The following HMGA2 variants were observed in gnomAD, a reference collection of about 807,000 sequenced individuals.
HMGA2 encodes the protein high mobility group protein HMGI-C.
Under a neutral mutation model 19.1 loss-of-function variants are expected in HMGA2, and 8 were observed. That is an observed-to-expected ratio of 0.42 (90% CI 0.25 to 0.76). The LOEUF (loss-of-function observed/expected upper bound fraction) is 0.76, where lower values mean the gene tolerates loss of function less well. Among genes scored for constraint, HMGA2 ranks in the 30% least tolerant of loss-of-function variants. The pLI, the probability that HMGA2 is intolerant of heterozygous loss-of-function variation, is 0.28. For synonymous variants in HMGA2, 60 were observed against 48.8 expected (o/e 1.23, Z -0.96); for missense variants, 109 against 136.3 (o/e 0.80, Z 1.00).
chr12:65,910,200 A>G (rs1250147112), intron 3 of HMGA2, among the ~76,000 whole-genome samples: 2 of 152,144 alleles, frequency 1.3e-5, no homozygotes, highest in East Asian at 1.9e-4. Context: ...AGCTGAAAAC[A>G]TGCTCCTTTC....
chr12:65,864,823 A>G (rs946502311), intron 3 of HMGA2, among the ~76,000 whole-genome samples: 4 of 152,120 alleles, frequency 2.6e-5, no homozygotes, highest in African/African-American at 9.7e-5. Context: ...ATTTTGATCC[A>G]TTTTTTCACT....
chr12:65,852,375 C>G (rs781406835), intron 3 of HMGA2, among the ~76,000 whole-genome samples: 24 of 152,024 alleles, frequency 1.6e-4, no homozygotes, highest in Admixed American at 4.6e-4. Flanking sequence ...TGGTGGCGCG[C>G]TGCTGTAATC....
intron 3 of HMGA2, among the ~76,000 whole-genome samples, chr12:65,855,423 C>G (rs1396506582): frequency 6.8e-6 from 1 of 145,990 alleles, no homozygotes; most frequent in African/African-American, 2.6e-5. Flanking sequence ...TCCTTTCTCT[C>G]TCCCTCTCTT....
At chr12:65,937,395 A>G (rs1331901785) in intron 3 of HMGA2, among the ~76,000 whole-genome samples, 2 of 152,092 alleles carry the variant, frequency 1.3e-5, no homozygotes, top group South Asian at 2.1e-4. Flanking sequence ...GACGGCCCCA[A>G]GCACAACCCC....
chr12:65,884,480 A>G (rs1415645875), intron 3 of HMGA2, among the ~76,000 whole-genome samples: 1 of 152,234 alleles, frequency 6.6e-6, no homozygotes, highest in Non-Finnish European at 1.5e-5. Context: ...TCAATTGATA[A>G]TGACTGATCA....
chr12:65,872,375 T>A (rs1872753034), intron 3 of HMGA2, among the ~76,000 whole-genome samples: 1 of 152,180 alleles, frequency 6.6e-6, no homozygotes, highest in Non-Finnish European at 1.5e-5. Flanking sequence ...TTTCTCTACC[T>A]GCCCTCTGCA....
At position 65,886,558 on chromosome 12, in the gene HMGA2, C is replaced by T. The variant is rs537131249; in HGVS notation, c.249+47989C>T. On this transcript the variant is annotated intron_variant, in intron 3 of 4. Transcript: ENST00000403681. ...AGTTTTGGTAGAGATGGAGTTTCAC[C>T]ATATTGGCCAGGCTGGTCTCGAACT... Among the ~76,000 whole-genome samples the T allele has an allele frequency of 7.3e-4, 111 of 152,108 alleles. No homozygotes were observed. In the Middle Eastern group the frequency reaches 0.02, roughly 28 times the overall value.
rs146227635 is a variant in HMGA2, at chr12:65,908,516, A to G, written c.250-42867A>G. 5.9e-4 allele frequency among the ~76,000 whole-genome samples: 89 copies of G among 151,880 alleles called. No individual in the cohort carries two copies. The East Asian group carries it at 0.015, about 26-fold the overall frequency. The stretch of plus-strand genomic sequence containing the variant: ...CTTTCTCTTTGTTATTACCCTTTCT[A>G]CATTTTCAAAATGAGTTTCATATGT... On this transcript the variant is annotated intron_variant, in intron 3 of 4. Coordinates refer to ENST00000403681, the MANE Select transcript of HMGA2 (RefSeq NM_003483.6).
intron 3 of HMGA2, chr12:65,915,603 G>A (rs1875070085): frequency 1.8e-5 from 18 of 1,010,404 alleles, no homozygotes; most frequent in Non-Finnish European, 2.1e-5. Context: ...ATTTTCCTGT[G>A]TCTTTTATCC....
intron 3 of HMGA2, among the ~76,000 whole-genome samples, chr12:65,927,772 A>T (rs1047567592): frequency 2.6e-5 from 4 of 151,704 alleles, no homozygotes; most frequent in African/African-American, 9.7e-5. Context: ...ACCTGTCCTC[A>T]TAGAAAATAA....
chr12:65,859,249 C>A (rs1237755851), intron 3 of HMGA2: 1 of 152,232 alleles, frequency 6.6e-6, no homozygotes, highest in Non-Finnish European at 1.5e-5. Flanking sequence ...CCCTTTCACT[C>A]CCCAAAGTGT....
intron 3 of HMGA2, among the ~76,000 whole-genome samples, chr12:65,935,753 T>C (rs1023521608): frequency 1.3e-5 from 2 of 152,216 alleles, no homozygotes; most frequent in South Asian, 4.1e-4. Context: ...GCTTTTTTTT[T>C]CTTTCAAATC....
rs546341132 is a variant in HMGA2 at position 65,914,758 on chromosome 12, T to G, written c.250-36625T>G. ...GGTACAATCTCGGCTCATTGCAACC[T>G]CCACCTCCCAGGTTCAAGCAATTCT... On this transcript the variant is annotated intron_variant, in intron 3 of 4. Transcript: ENST00000403681. 1.2e-4 allele frequency: 44 copies of G among 372,512 alleles called. 1 individual carries two copies. Among genetic ancestry groups the G allele is most frequent in the Non-Finnish European group, 2.1e-4 (41 of 192,532 alleles). 23.1% of individuals were successfully genotyped at this position (372,512 alleles called of 1,614,324 possible).
intron 3 of HMGA2, chr12:65,881,922 A>G (rs1450632668): frequency 2.9e-6 from 2 of 701,694 alleles, no homozygotes; most frequent in Non-Finnish European, 5.2e-6. Flanking sequence ...CATGCTGCAG[A>G]AGGCATGGAG....
chr12:65,829,939 G>T (rs552696187), intron 2 of HMGA2, among the ~76,000 whole-genome samples: 1 of 151,754 alleles, frequency 6.6e-6, no homozygotes, highest in South Asian at 2.1e-4. Flanking sequence ...CCCCTACGCC[G>T]CTCATCTTTC....
At chr12:65,835,501 G>C (rs1870676958) in intron 2 of HMGA2, among the ~76,000 whole-genome samples, 1 of 152,190 alleles carries the variant, frequency 6.6e-6, no homozygotes, top group Admixed American at 6.5e-5. Context: ...ACACTGGCCT[G>C]AACGACCAAG....
At chr12:65,865,633 CTTTTTTTT>C (rs952845162) in intron 3 of HMGA2, among the ~76,000 whole-genome samples, 6 of 131,772 alleles carry the variant, frequency 4.6e-5, no homozygotes, top group Non-Finnish European at 8.2e-5. Flanking sequence ...ATCTATTTTT[CTTTTTTTT>C]TTTTTTTTTT....
chr12:65,952,255 G>A (rs1876483246), intron 4 of HMGA2: 1 of 807,518 alleles, frequency 1.2e-6, no homozygotes, highest in African/African-American at 1.7e-5. Context: ...AGTGTCATGA[G>A]CTATCAAATT....
At chr12:65,835,145 G>C (rs1432351620) in intron 2 of HMGA2, among the ~76,000 whole-genome samples, 1 of 152,068 alleles carries the variant, frequency 6.6e-6, no homozygotes, top group Non-Finnish European at 1.5e-5. Context: ...TTCTATTCTG[G>C]CAAAGGAAAA....
Sources: gnomAD v4.1 joint callset for allele counts (sites outside exome capture counted in the v4.1 genomes callset) on GRCh38, gnomAD v4.1.1 for gene constraint, MANE v1.5 for transcripts, NCBI Gene and HGNC (gene_info 2026-07-23, HGNC 2026-07-21) for gene names.